Variants in FAM184B observed in about 807,000 individuals in gnomAD.
FAM184B encodes family with sequence similarity 184 member B.
In FAM184B, 111 loss-of-function variants were observed where a neutral mutation model predicts 135.9. That is an observed-to-expected ratio of 0.82 (90% CI 0.70 to 0.96). The LOEUF is 0.96. FAM184B is among the 40% of genes least tolerant of loss of function. The pLI is 0.00. For synonymous variants in FAM184B, 552 were observed against 524.8 expected, an observed-to-expected ratio of 1.05 and a Z score of -0.71; for missense variants, 1,375 against 1,323.9, an observed-to-expected ratio of 1.04 and a Z score of -0.60.
chr4:17,714,234 C>G (rs1717357993), intron 1 of FAM184B, among the ~76,000 whole-genome samples: 2 of 152,148 alleles, frequency 1.3e-5, no homozygotes, highest in Admixed American at 1.3e-4. Flanking sequence ...TGAGCAGAGG[C>G]CCCATTTCCT....
intron 1 of FAM184B, among the ~76,000 whole-genome samples, chr4:17,751,470 T>C (rs1356644735): frequency 6.6e-6 from 1 of 152,146 alleles, no homozygotes; most frequent in Non-Finnish European, 1.5e-5. Context: ...GTGACATCCC[T>C]GAGACACTGA....
intron 10 of FAM184B, among the ~76,000 whole-genome samples, chr4:17,654,358 T>C (rs1248071448): frequency 6.6e-6 from 1 of 151,976 alleles, no homozygotes; most frequent in Admixed American, 6.6e-5. Context: ...CTCTTTTTTA[T>C]ATATATATAG....
chr4:17,707,739 A>C lies in FAM184B; in HGVS notation c.940T>G (p.Leu314Val). The C allele has an allele frequency of 6.4e-7, 1 of 1,551,764 alleles. No individual in the cohort carries two copies. Among genetic ancestry groups the C allele is most frequent in the Admixed American group, 2.0e-5 (1 of 51,006 alleles). ...CCAAGTTTTTTTGCAGTGCCTTTCA[A>C]CTCTGAATTCTCCTGTCGAGCCTCC... is the stretch of plus-strand genomic sequence containing the variant. ...LKEARQENSE[L>V]KGTAKKLGEK... Residue 314 changes from leucine (L) to valine (V), a missense_variant, in exon 3 of 18, where the codon TTG becomes GTG. Transcript: ENST00000265018.
At chr4:17,733,274 C>G (rs1577281798) in intron 1 of FAM184B, among the ~76,000 whole-genome samples, 1 of 152,154 alleles carries the variant, frequency 6.6e-6, no homozygotes, top group Admixed American at 6.5e-5. Context: ...TGAAAACTGG[C>G]ACAAGACAGG....
Position 17,632,421 on chromosome 4 carries a change from A to G in FAM184B, c.*111T>C, listed in dbSNP as rs1480816075. 4 of 923,578 alleles carry G rather than the reference A, an allele frequency of 4.3e-6. No individual in the cohort carries two copies. Among genetic ancestry groups the G allele is most frequent in the Admixed American group, 5.4e-5 (2 of 36,986 alleles). The allele number at this position is 923,578 out of a possible 1,614,324, so 57.2% of individuals were successfully genotyped here. A position where few individuals can be genotyped will look rare whatever the true frequency, so the allele number is the denominator to read the frequency against. ...CCAAAATTTGTTTTAGCTATCATAT[A>G]TAAATCATAAGCATATTATTTGGTT... On this transcript the variant is annotated 3_prime_UTR_variant, in exon 18 of 18. Transcript: ENST00000265018.
In FAM184B at chr4:17,725,510, C is replaced by T. The variant is rs182971516; in HGVS notation, c.142-15866G>A. 2.0e-5 allele frequency among the ~76,000 whole-genome samples: 3 copies of T among 152,284 alleles called. No homozygotes were observed. The East Asian group carries it at 5.8e-4, about 29-fold the overall frequency. Reference sequence around the variant, plus strand: ...TATGTGTCAGGTCCTGAATCCAGGGCTGCTTTCATTCAGTTCAAATCTGGT... The same window carrying T: ...TATGTGTCAGGTCCTGAATCCAGGGTTGCTTTCATTCAGTTCAAATCTGGT... On this transcript the variant is annotated intron_variant, in intron 1 of 17. Transcript: ENST00000265018.
chr4:17,638,934 T>TC (rs907149998), intron 14 of FAM184B, among the ~76,000 whole-genome samples: 21 of 152,310 alleles, frequency 1.4e-4, no homozygotes, highest in Admixed American at 1.0e-3. Context: ...CCTCCTGGGC[T>TC]CAAGTGATCC....
chr4:17,709,467 C>T lies in FAM184B; in HGVS notation c.319G>A (p.Ala107Thr), dbSNP rs2108966506. ...LLQRIQALES[A>T]LELQKRLTEE... ...GTCAGCCTCTTTTGCAGCTCCAGGG[C>T]GCTCTCCAGGGCCTGGATGCGCTGT... The change falls in exon 2 of 18, where the codon GCC becomes ACC. Residue 107 changes from alanine (A) to threonine (T), a missense_variant. By Grantham distance (58) the Ala-to-Thr change is moderately conservative. Transcript: ENST00000265018. 6.5e-7 allele frequency: 1 copy of T among 1,537,714 alleles called. No individual in the cohort carries two copies. Among genetic ancestry groups the T allele is most frequent in the Non-Finnish European group, 8.8e-7 (1 of 1,138,982 alleles).
intron 7 of FAM184B, among the ~76,000 whole-genome samples, chr4:17,674,768 T>C (rs924753333): frequency 1.3e-5 from 2 of 152,182 alleles, no homozygotes; most frequent in Non-Finnish European, 2.9e-5. Context: ...TCATCAGGAG[T>C]AAATTTCAAC....
At chr4:17,665,743 A>G (rs1460524606) in intron 7 of FAM184B, among the ~76,000 whole-genome samples, 1 of 152,162 alleles carries the variant, frequency 6.6e-6, no homozygotes, top group Non-Finnish European at 1.5e-5. Flanking sequence ...TTATCTATAA[A>G]AGGCCATCAA....
At chr4:17,655,334 C>G (rs1453496293) in intron 10 of FAM184B, among the ~76,000 whole-genome samples, 1 of 152,182 alleles carries the variant, frequency 6.6e-6, no homozygotes, top group Non-Finnish European at 1.5e-5. Flanking sequence ...CTGACCCAGC[C>G]TCTCTCCATC....
At chr4:17,736,776 C>T (rs1717918835) in intron 1 of FAM184B, among the ~76,000 whole-genome samples, 1 of 152,174 alleles carries the variant, frequency 6.6e-6, no homozygotes, top group Non-Finnish European at 1.5e-5. Flanking sequence ...CCTGGCCACA[C>T]GGAGGCTGGG....
chr4:17,729,757 C>T (rs563617797), intron 1 of FAM184B, among the ~76,000 whole-genome samples: 1 of 152,274 alleles, frequency 6.6e-6, no homozygotes, highest in Non-Finnish European at 1.5e-5. Context: ...CACCAAAAAC[C>T]CTTCTGTACG....
At chr4:17,651,824 C>T (rs1009236790) in intron 11 of FAM184B, among the ~76,000 whole-genome samples, 6 of 152,076 alleles carry the variant, frequency 3.9e-5, no homozygotes, top group Non-Finnish European at 8.8e-5. Context: ...CTCTAGAGAT[C>T]TTTACCTCTG....
intron 1 of FAM184B, 49 bp from the exon 2 acceptor site, chr4:17,709,693 G>A: frequency 7.0e-7 from 1 of 1,437,674 alleles, no homozygotes; most frequent in Non-Finnish European, 9.1e-7. Context: ...GCTGGGGTGT[G>A]GGAGGGCTGA....
chr4:17,651,249 C>T (rs554128937), intron 11 of FAM184B, among the ~76,000 whole-genome samples: 1 of 152,084 alleles, frequency 6.6e-6, no homozygotes, highest in East Asian at 1.9e-4. Context: ...TTGAAATATT[C>T]AGTCATGGCC....
At position 17,709,596 on chromosome 4, in the gene FAM184B, C is replaced by T. The variant is rs1717208541; in HGVS notation, c.190G>A (p.Glu64Lys). The T allele has an allele frequency of 6.5e-7, 1 of 1,540,142 alleles. No homozygotes were observed. The highest frequency in any genetic ancestry group is 8.7e-7 in the Non-Finnish European group (1 of 1,143,392). ...TRQDEAEASM[E>K]ALREAHQEEL... ...TCCTGGTGCGCTTCCCGCAGCGCCT[C>T]CATGCTGGCCTCAGCCTCATCCTGG... Residue 64 changes from glutamate (E) to lysine (K), a missense_variant, in exon 2 of 18, where the codon GAG becomes AAG. By Grantham distance (56) the Glu-to-Lys change is moderately conservative (BLOSUM62 1). Coordinates refer to ENST00000265018, the MANE Select transcript of FAM184B (RefSeq NM_015688.2).
intron 3 of FAM184B, 116 bp from the exon 4 acceptor site, chr4:17,706,007 G>A: frequency 7.5e-7 from 1 of 1,324,524 alleles, no homozygotes; most frequent in Non-Finnish European, 1.0e-6. Context: ...AACATCCCCT[G>A]TGTAATTCCT....
intron 7 of FAM184B, among the ~76,000 whole-genome samples, chr4:17,666,045 C>T (rs1271966623): frequency 2.6e-5 from 4 of 152,132 alleles, no homozygotes; most frequent in African/African-American, 9.7e-5. Context: ...ACTGGCTGTT[C>T]CCTCTTCCCT....
Sources: gnomAD v4.1 joint callset for allele counts (sites outside exome capture counted in the v4.1 genomes callset) on GRCh38, gnomAD v4.1.1 for gene constraint, MANE v1.5 for transcripts, NCBI Gene and HGNC (gene_info 2026-07-23, HGNC 2026-07-21) for gene names.